The following CCDC77 variants were observed in gnomAD, a reference collection of about 807,000 sequenced individuals.
CCDC77 encodes the protein coiled-coil domain-containing protein 77.
Under a neutral mutation model 66.8 loss-of-function variants are expected in CCDC77, and 56 were observed. The observed-to-expected ratio is 0.84, with a 90% CI of 0.68 to 1.05. CCDC77 has a LOEUF of 1.05. Ranked by LOEUF, CCDC77 falls within the 50% of genes least tolerant of loss-of-function variation. The pLI, the probability that CCDC77 is intolerant of heterozygous loss-of-function variation, is 0.00. For synonymous variants in CCDC77, 196 were observed against 195.2 expected (o/e 1.00, Z -0.03); for missense variants, 570 against 576.8 (o/e 0.99, Z 0.12).
At chr12:441,580 G>A (rs1156373441) in intron 12 of CCDC77, among the ~76,000 whole-genome samples, 194 bp from the exon 13 acceptor site, 2 of 152,042 alleles carry the variant, frequency 1.3e-5, no homozygotes, top group Admixed American at 1.3e-4. Flanking sequence ...TGCATGGGAA[G>A]GATTTTCATG....
intron 4 of CCDC77, among the ~76,000 whole-genome samples, chr12:417,687 G>A (rs745740099): frequency 6.6e-6 from 1 of 152,144 alleles, no homozygotes; most frequent in Non-Finnish European, 1.5e-5. Flanking sequence ...GGCCAAGGTG[G>A]GTGGATTGCC....
chr12:391,287 A>C (rs1944750786), intron 1 of CCDC77, among the ~76,000 whole-genome samples: 2 of 152,168 alleles, frequency 1.3e-5, no homozygotes, highest in African/African-American at 4.8e-5. Flanking sequence ...TCCTGTCTCT[A>C]TTAAAAATGT....
chr12:423,477 G>GTTTTTTTTTTTTTTTTTT (rs1565572179), intron 5 of CCDC77, among the ~76,000 whole-genome samples: 17 of 24,954 alleles, frequency 6.8e-4, no homozygotes, highest in Non-Finnish European at 1.3e-3. Context: ...TGTGTTTTTT[G>GTTTTTTTTTTTTTTTTTT]TGTTTTTTTT....
chr12:429,219 AAC>A (rs1945599023), intron 6 of CCDC77, among the ~76,000 whole-genome samples: 1 of 152,168 alleles, frequency 6.6e-6, no homozygotes, highest in South Asian at 2.1e-4. Context: ...ATTAAAAACA[AAC>A]ACAGAGTATA....
In CCDC77 at chr12:413,313, T is replaced by C. The variant is rs1474259408; in HGVS notation, c.270+1335T>C. Among the ~76,000 whole-genome samples, 1,329 of 120,840 alleles carry C rather than the reference T, an allele frequency of 0.011. No individual in the cohort carries two copies. The Middle Eastern group carries it at 0.15, about 14-fold the overall frequency. The allele number at this position is 120,840 out of a possible 152,430, so 79.3% of individuals were successfully genotyped here. A position where few individuals can be genotyped will look rare whatever the true frequency, so the allele number is the denominator to read the frequency against. ...GTGCAGTGGCGCGATCTCAGCTCAC[T>C]GCAAGCTCCGCCTCCCGGGTTCACG... On this transcript the variant is annotated intron_variant, in intron 4 of 12. Transcript: ENST00000239830.
chr12:415,963 G>A (rs1376546589), intron 4 of CCDC77, among the ~76,000 whole-genome samples: 1 of 151,588 alleles, frequency 6.6e-6, no homozygotes, highest in Non-Finnish European at 1.5e-5. Context: ...CCACCACCAT[G>A]CCCGGCTAAT....
At chr12:401,843 T>C (rs1158861048) in intron 1 of CCDC77, among the ~76,000 whole-genome samples, 159 bp downstream of exon 1, 3 of 152,058 alleles carry the variant, frequency 2.0e-5, no homozygotes, top group Non-Finnish European at 4.4e-5. Flanking sequence ...GGAGGAAAGC[T>C]CCAATGTGCA....
upstream of CCDC77, among the ~76,000 whole-genome samples, chr12:396,827 T>G (rs1944834362): frequency 6.6e-6 from 1 of 152,224 alleles, no homozygotes; most frequent in Non-Finnish European, 1.5e-5. Flanking sequence ...CTGCAGTCTT[T>G]GAATGCCATA....
chr12:407,097 G>T (rs1945009035), intron 2 of CCDC77, among the ~76,000 whole-genome samples: 1 of 152,200 alleles, frequency 6.6e-6, no homozygotes, highest in Admixed American at 6.5e-5. Context: ...AGTGAAGCCA[G>T]GAGTTTGAGA....
At position 439,107 on chromosome 12, in the gene CCDC77, A is replaced by C. The variant is rs149691274; in HGVS notation, c.1041+553A>C. On this transcript the variant is annotated intron_variant, in intron 10 of 12. Transcript: ENST00000239830. Reference sequence around the variant, plus strand: ...CAAACACAAAAAAACATAAATATTTATTGCACTCGTACTATGGGTTAGGCC... The same window carrying C: ...CAAACACAAAAAAACATAAATATTTCTTGCACTCGTACTATGGGTTAGGCC... 2.6e-3 allele frequency among the ~76,000 whole-genome samples: 394 copies of C among 152,202 alleles called. 4 individuals are homozygous for C. The highest frequency in any genetic ancestry group is 8.6e-3 in the African/African-American group (357 of 41,546).
At position 423,470 on chromosome 12, in the gene CCDC77, G is replaced by GTGTTTTT. The variant is rs1565572116; in HGVS notation, c.413+4835_413+4836insGTTTTTT. Among the ~76,000 whole-genome samples the GTGTTTTT allele has an allele frequency of 2.0e-4, 9 of 44,876 alleles. 2 individuals carry two copies. The highest frequency in any genetic ancestry group is 2.0e-3 in the Admixed American group (6 of 3,076). The allele number at this position is 44,876 out of a possible 152,430, so 29.4% of individuals were successfully genotyped here. Reference sequence around the variant, plus strand: ...TTGTTATTTTCTGGGTGTTTTTTGTGTTTTTTGTGTTTTTTTTTGTTTTGT... The same window carrying GTGTTTTT: ...TTGTTATTTTCTGGGTGTTTTTTGTGTGTTTTTTTTTTTGTGTTTTTTTTTGTTTTGT... On this transcript the variant is annotated intron_variant, in intron 5 of 12. Coordinates refer to ENST00000239830, the MANE Select transcript of CCDC77 (RefSeq NM_032358.4).
At chr12:390,163 T>G (rs1428357849) in intron 1 of CCDC77, 1 of 151,428 alleles carries the variant, frequency 6.6e-6, no homozygotes, top group Non-Finnish European at 1.5e-5. Flanking sequence ...TAATCCTAAT[T>G]CTTTCTGCTC....
rs376422753 is a variant in CCDC77, at chr12:428,878, T to C, written c.510+13T>C. On this transcript the variant is annotated intron_variant, in intron 6 of 12. Coordinates refer to ENST00000239830, the MANE Select transcript of CCDC77 (RefSeq NM_032358.4). Reference sequence around the variant, plus strand: ...GCCTCCTCACAAAGTAAGTAATCTTTGGTGTAGCATGGTGAGTGTGGCTTT... The same window carrying C: ...GCCTCCTCACAAAGTAAGTAATCTTCGGTGTAGCATGGTGAGTGTGGCTTT... 4.6e-6 allele frequency: 7 copies of C among 1,515,290 alleles called. No individual in the cohort carries two copies. In the African/African-American group the frequency reaches 9.7e-5, roughly 21 times the overall value. The allele number at this position is 1,515,290 out of a possible 1,614,324, so 93.9% of individuals were successfully genotyped here.
intron 12 of CCDC77, 123 bp downstream of exon 12, chr12:441,119 A>G: frequency 2.0e-6 from 2 of 994,400 alleles, no homozygotes; most frequent in Non-Finnish European, 1.5e-6. Context: ...ACAGATCACC[A>G]TCTTCAAGCC....
chr12:415,320 TAATCAACATAA>T (rs755371403), intron 4 of CCDC77, among the ~76,000 whole-genome samples: 18,584 of 116,154 alleles, frequency 0.16, 3,090 homozygotes, highest in East Asian at 0.37. Flanking sequence ...TATGTTAATA[TAATCAACATAA>T]TATTATGTTA....
At position 402,522 on chromosome 12, in the gene CCDC77, C is replaced by G. The variant is rs1944916017; in HGVS notation, c.-71+838C>G. ...TTCCAGCTAGAGGGAAGCTCATGAA[C>G]AAAGGTATGGAGGCAGGAAAGTTAT... is the stretch of plus-strand genomic sequence containing the variant. On this transcript the variant is annotated intron_variant, in intron 1 of 12. Transcript: ENST00000239830. Among the ~76,000 whole-genome samples, 3 of 152,000 alleles carry G rather than the reference C, an allele frequency of 2.0e-5. No homozygotes were observed. The South Asian group carries it at 6.2e-4, about 31-fold the overall frequency.
chr12:438,599 A>G lies in CCDC77; in HGVS notation c.1041+45A>G, dbSNP rs749934578. 22 of 1,442,536 alleles carry G rather than the reference A, an allele frequency of 1.5e-5. No homozygotes were observed. The Admixed American group carries it at 3.7e-4, about 24-fold the overall frequency. The allele number at this position is 1,442,536 out of a possible 1,614,324, so 89.4% of individuals were successfully genotyped here. The stretch of plus-strand genomic sequence containing the variant: ...ACGAAGTTGTTTATTTTTCTGGGAG[A>G]GTTGAAGGAATTCCAAAGAACCTAC... On this transcript the variant is annotated intron_variant, in intron 10 of 12. Coordinates refer to ENST00000239830, the MANE Select transcript of CCDC77 (RefSeq NM_032358.4).
intron 5 of CCDC77, among the ~76,000 whole-genome samples, chr12:425,752 G>A (rs892414218): frequency 2.6e-5 from 4 of 152,082 alleles, no homozygotes; most frequent in Non-Finnish European, 2.9e-5. Flanking sequence ...ATCTTACCAC[G>A]TGCACTTGCT....
At chr12:436,749 G>A in intron 9 of CCDC77, 1 of 984,292 alleles carries the variant, frequency 1.0e-6, no homozygotes, top group African/African-American at 1.7e-5. Context: ...CTGCATATCT[G>A]AGCACATGAT....
Sources: allele counts gnomAD v4.1 joint callset (sites outside exome capture counted in the v4.1 genomes callset), GRCh38; gene constraint gnomAD v4.1.1; transcripts MANE v1.5; gene names NCBI Gene and HGNC (gene_info 2026-07-23, HGNC 2026-07-21).